The following RAB26 variants were observed in gnomAD, a reference collection of about 807,000 sequenced individuals.
The protein encoded by RAB26 is ras-related protein Rab-26.
A neutral mutation model predicts 33.1 loss-of-function variants in RAB26; 39 were observed. The ratio of observed to expected loss-of-function variants is 1.18; its 90% CI spans 0.91 to 1.54. The LOEUF is 1.54. Ranked by LOEUF, RAB26 falls within the 40% of genes most tolerant of loss-of-function variation. The pLI is 0.00. For missense variants in RAB26, 468 were observed against 362.9 expected, an observed-to-expected ratio of 1.29 and a Z score of -2.35; for synonymous variants, 192 against 151.9, an observed-to-expected ratio of 1.26 and a Z score of -1.94.
chr16:2,151,552 G>C lies in RAB26; in HGVS notation c.307-17G>C, dbSNP rs754834415. The C allele has an allele frequency of 1.9e-6, 3 of 1,613,498 alleles. No individual in the cohort carries two copies. The highest frequency in any genetic ancestry group is 2.5e-6 in the Non-Finnish European group (3 of 1,180,024). On this transcript the variant is annotated splice_polypyrimidine_tract_variant and intron_variant, in intron 2 of 8. Transcript: ENST00000210187. ...GGCTGGGCCCATGCCAGAGCTGCCT[G>C]GTTCTGTCTGTTTCAGAACAAAGTT... is the stretch of plus-strand genomic sequence containing the variant.
Position 2,148,992 on chromosome 16 carries a change from C to G in RAB26, c.195+14C>G. 7.9e-7 allele frequency: 1 copy of G among 1,273,694 alleles called. No individual in the cohort carries two copies. Among genetic ancestry groups the G allele is most frequent in the South Asian group, 2.9e-5 (1 of 34,712 alleles). The allele number at this position is 1,273,694 out of a possible 1,614,324, so 78.9% of individuals were successfully genotyped here. On this transcript the variant is annotated intron_variant, in intron 1 of 8. Coordinates refer to ENST00000210187, the MANE Select transcript of RAB26 (RefSeq NM_014353.5). ...GTCGCCTTCAAGGTGAGCCAGGCAC[C>G]CGCCCCCCAGGCCAGCGCAGCAGGT... is the stretch of plus-strand genomic sequence containing the variant.
chr16:2,151,952 T>C, intron 5 of RAB26, 44 bp downstream of exon 5: 2 of 1,608,342 alleles, frequency 1.2e-6, no homozygotes, highest in South Asian at 1.1e-5. Context: ...TGATAGGGCC[T>C]GACCCATCCC....
intron 2 of RAB26, chr16:2,151,224 A>G: frequency 2.0e-6 from 1 of 509,734 alleles, no homozygotes; most frequent in Non-Finnish European, 3.8e-6. Flanking sequence ...TGAGTCTTTC[A>G]AATTAGCAAA....
In RAB26 at chr16:2,154,146, T is replaced by G. The variant is rs1440026113; in HGVS notation, c.*725T>G. 1 of 280,604 alleles carries G rather than the reference T, an allele frequency of 3.6e-6. No homozygotes were observed. The highest frequency in any genetic ancestry group is 7.1e-6 in the Non-Finnish European group (1 of 140,896). The allele number at this position is 280,604 out of a possible 1,614,324, so 17.4% of individuals were successfully genotyped here. A position where few individuals can be genotyped will look rare whatever the true frequency, so the allele number is the denominator to read the frequency against. On this transcript the variant is annotated 3_prime_UTR_variant, in exon 9 of 9. Coordinates refer to ENST00000210187, the MANE Select transcript of RAB26 (RefSeq NM_014353.5). The stretch of plus-strand genomic sequence containing the variant: ...ATAAAGTTGTGTTTTCTGGAGCGTC[T>G]GTCTCATCTGTTGAAAAAAATCCAC...
At chr16:2,151,823 ATG>A in intron 4 of RAB26, 31 bp from the exon 5 acceptor site, 1 of 1,613,918 alleles carries the variant, frequency 6.2e-7, no homozygotes, top group South Asian at 1.1e-5. Context: ...GGTGCAGGTG[ATG>A]GTGGATGTCC....
At position 2,150,965 on chromosome 16, in the gene RAB26, C is replaced by A. The variant is rs927719981; in HGVS notation, c.307-604C>A. Among the ~76,000 whole-genome samples the A allele has an allele frequency of 2.7e-4, 41 of 152,212 alleles. 1 individual carries two copies. Among genetic ancestry groups the A allele is most frequent in the African/African-American group, 4.8e-5 (2 of 41,460 alleles). ...CCCACCCCAACAGATGGGACTGGGGCTAGACCACTCCCTGCCTTACGTCTA... is the reference window on the plus strand; with the variant it reads ...CCCACCCCAACAGATGGGACTGGGGATAGACCACTCCCTGCCTTACGTCTA... On this transcript the variant is annotated intron_variant, in intron 2 of 8. Transcript: ENST00000210187.
rs771762178 is a variant in RAB26, at chr16:2,153,373, T to C, written c.723T>C (p.His241=). ...KAPSEPRFRL[H]DYVKREGRGA... is the part of the protein sequence containing the mutation. ...CCAGCGAGCCGCGCTTCCGGCTGCA[T>C]GATTACGTTAAGAGGGAGGGTCGAG... The change falls in exon 9 of 9, where the codon CAT becomes CAC. Residue 241 remains histidine (H), a synonymous_variant. Coordinates refer to ENST00000210187, the MANE Select transcript of RAB26 (RefSeq NM_014353.5). 3.0e-5 allele frequency: 48 copies of C among 1,613,392 alleles called. No individual in the cohort carries two copies. In the South Asian group the frequency reaches 5.3e-4, roughly 18 times the overall value.
At chr16:2,152,941 G>GGGGCCAACCAT (rs763823400) in intron 6 of RAB26, 48 bp from the exon 7 acceptor site, 1 of 1,585,692 alleles carries the variant, frequency 6.3e-7, no homozygotes, top group Non-Finnish European at 8.6e-7. Context: ...TGAGGGGGCA[G>GGGGCCAACCAT]GGGCCAACCA....
chr16:2,150,999 C>G (rs984449657), intron 2 of RAB26: 14 of 329,420 alleles, frequency 4.2e-5, no homozygotes, highest in African/African-American at 2.6e-4. Context: ...TAATCGTTAA[C>G]TGGGAGGGCC....
Position 2,148,649 on chromosome 16 carries a change from TGCCGCCGCCGCCGCCGCCGCCGCC to T in RAB26, c.-125_-102del. On this transcript the variant is annotated 5_prime_UTR_variant, in exon 1 of 9. Transcript: ENST00000210187. Reference sequence around the variant, plus strand: ...GGCGCGAGCCGGGCGCCCGGGATGATGCCGCCGCCGCCGCCGCCGCCGCCGCCGCCGCCAGGGGAAGGGTTCGGG... The same window carrying T: ...GGCGCGAGCCGGGCGCCCGGGATGATGCCGCCGCCAGGGGAAGGGTTCGGG... The T allele has an allele frequency of 2.6e-6, 1 of 388,414 alleles. No homozygotes were observed. Among genetic ancestry groups the T allele is most frequent in the Non-Finnish European group, 3.5e-6 (1 of 282,132 alleles). The allele number at this position is 388,414 out of a possible 1,614,324, so 24.1% of individuals were successfully genotyped here. A position where few individuals can be genotyped will look rare whatever the true frequency, so the allele number is the denominator to read the frequency against.
At chr16:2,151,374 G>A in intron 2 of RAB26, 195 bp from the exon 3 acceptor site, 1 of 685,164 alleles carries the variant, frequency 1.5e-6, no homozygotes, top group Non-Finnish European at 2.6e-6. Flanking sequence ...CTCTAAGCAG[G>A]AATAGTGCAG....
chr16:2,153,184 G>C lies in RAB26; in HGVS notation c.630G>C (p.Thr210=). ...CCTTCATGGAGACCAGCGCCAAGAC[G>C]GGCCTCAACGTGGACTTGGCCTTCA... ...GLPFMETSAK[T]GLNVDLAFTA... Residue 210 remains threonine, a synonymous_variant, in exon 8 of 9, where the codon ACG becomes ACC. Coordinates refer to ENST00000210187, the MANE Select transcript of RAB26 (RefSeq NM_014353.5). The C allele has an allele frequency of 6.2e-7, 1 of 1,613,820 alleles. No homozygotes were observed. Among genetic ancestry groups the C allele is most frequent in the East Asian group, 2.2e-5 (1 of 44,882 alleles).
Position 2,153,455 on chromosome 16 carries a change from T to C in RAB26, c.*34T>C, listed in dbSNP as rs26931. The C allele has an allele frequency of 0.99, 1,590,550 of 1,602,114 alleles. 789,579 individuals carry two copies. Among genetic ancestry groups the C allele is most frequent in the East Asian group, 1 (44,722 of 44,722 alleles). ...GAGCTCAGTCCTCTGGAGGAAGCCG[T>C]CCAGTCCCTAGAAGGCTGGACAGAG... On this transcript the variant is annotated 3_prime_UTR_variant, in exon 9 of 9. Coordinates refer to ENST00000210187, the MANE Select transcript of RAB26 (RefSeq NM_014353.5).
chr16:2,148,418 G>A (rs1207462967), upstream of RAB26: 2 of 152,260 alleles, frequency 1.3e-5, no homozygotes, highest in African/African-American at 2.4e-5. Flanking sequence ...GCCCAGGCCT[G>A]TCACCCCACA....
rs1197359500 is a variant in RAB26 at position 2,153,058 on chromosome 16, A to C, written c.591+13A>C. The C allele has an allele frequency of 1.2e-6, 2 of 1,610,424 alleles. No homozygotes were observed. The highest frequency in any genetic ancestry group is 1.7e-6 in the Non-Finnish European group (2 of 1,177,850). Reference sequence around the variant, plus strand: ...GAAGCTGGCCAAGGTGAGTCAGGGCAGGGGGGTGGTGAGGGGGTGCCCCTG... The same window carrying C: ...GAAGCTGGCCAAGGTGAGTCAGGGCCGGGGGGTGGTGAGGGGGTGCCCCTG... On this transcript the variant is annotated intron_variant, in intron 7 of 8. Transcript: ENST00000210187.
chr16:2,152,750 G>T, intron 5 of RAB26, 70 bp from the exon 6 acceptor site: 7 of 1,369,664 alleles, frequency 5.1e-6, no homozygotes, highest in Non-Finnish European at 7.0e-6. Flanking sequence ...GTGTGACCTG[G>T]AGGGCCAAAG....
chr16:2,150,121 T>TC, intron 2 of RAB26, 70 bp downstream of exon 2: 3 of 1,385,620 alleles, frequency 2.2e-6, no homozygotes, highest in Non-Finnish European at 3.0e-6. Flanking sequence ...TTCTCTCTGA[T>TC]CCCCATGGTA....
At chr16:2,152,284 C>A (rs1417074293) in intron 5 of RAB26, among the ~76,000 whole-genome samples, 1 of 152,156 alleles carries the variant, frequency 6.6e-6, no homozygotes, top group East Asian at 1.9e-4. Context: ...TTGGCACACA[C>A]CTGTAATCCC....
chr16:2,151,797 G>A lies in RAB26; in HGVS notation c.415+36G>A, dbSNP rs557352491. ...GGGTACCTGGGCTGGTTGGGGCGGG[G>A]GTCTGAGCACCTGAGGGTGCAGGTG... is the stretch of plus-strand genomic sequence containing the variant. On this transcript the variant is annotated intron_variant, in intron 4 of 8. Coordinates refer to ENST00000210187, the MANE Select transcript of RAB26 (RefSeq NM_014353.5). The A allele has an allele frequency of 7.4e-5, 120 of 1,613,952 alleles. 1 individual carries two copies. The South Asian group carries it at 1.1e-3, about 15-fold the overall frequency.
Sources: gnomAD v4.1 joint callset for allele counts (sites outside exome capture counted in the v4.1 genomes callset) on GRCh38, gnomAD v4.1.1 for gene constraint, MANE v1.5 for transcripts, NCBI Gene and HGNC (gene_info 2026-07-23, HGNC 2026-07-21) for gene names.